The following PRRC2C variants were observed in gnomAD, a reference collection of about 807,000 sequenced individuals.
PRRC2C encodes protein PRRC2C.
PRRC2C carries 72 observed loss-of-function variants against 317.2 expected under a neutral mutation model. The ratio of observed to expected loss-of-function variants is 0.23; its 90% confidence interval spans 0.19 to 0.28. PRRC2C has a LOEUF of 0.28. Among genes scored for constraint, PRRC2C ranks in the 10% least tolerant of loss-of-function variants. PRRC2C has a pLI of 1.00. For synonymous variants in PRRC2C, 1,296 were observed against 1,205.9 expected (o/e 1.07, Z -1.55); for missense variants, 3,074 against 3,459.7 (o/e 0.89, Z 2.80).
At chr1:171,561,446 C>T (rs1371990753) in intron 20 of PRRC2C, among the ~76,000 whole-genome samples, 1 of 152,112 alleles carries the variant, frequency 6.6e-6, no homozygotes, top group East Asian at 1.9e-4. Flanking sequence ...GAGCAAGACC[C>T]CACCTGGAAA....
intron 1 of PRRC2C, among the ~76,000 whole-genome samples, chr1:171,494,468 C>T (rs1166601458): frequency 6.6e-6 from 1 of 152,108 alleles, no homozygotes. Flanking sequence ...CAAATGTACT[C>T]TTAAAATATT....
chr1:171,574,729 A>G (rs184099392), intron 24 of PRRC2C, among the ~76,000 whole-genome samples, 198 bp from the exon 25 acceptor site: 147 of 152,328 alleles, frequency 9.7e-4, no homozygotes, highest in Non-Finnish European at 1.7e-3. Context: ...AATTTGAGTA[A>G]TGGAGCAAAG....
chr1:171,551,832 GGTACCA>G (rs1680305899), intron 18 of PRRC2C, among the ~76,000 whole-genome samples: 1 of 152,076 alleles, frequency 6.6e-6, no homozygotes, highest in Admixed American at 6.5e-5. Context: ...TCTCTGTTTT[GGTACCA>G]GTACCATGCT....
chr1:171,563,692 A>G (rs1249326674), intron 20 of PRRC2C, among the ~76,000 whole-genome samples: 1 of 152,126 alleles, frequency 6.6e-6, no homozygotes, highest in African/African-American at 2.4e-5. Flanking sequence ...GTAGGTCTAG[A>G]GTAGGCTTCA....
chr1:171,589,293 C>A (rs1320362263), intron 33 of PRRC2C, 76 bp from the exon 34 acceptor site: 2 of 831,100 alleles, frequency 2.4e-6, no homozygotes, highest in Non-Finnish European at 3.3e-6. Flanking sequence ...ATGAGCCAAC[C>A]TGGTCTAGTT....
chr1:171,490,663 C>G (rs1666981853), intron 1 of PRRC2C, among the ~76,000 whole-genome samples: 1 of 152,154 alleles, frequency 6.6e-6, no homozygotes, highest in Admixed American at 6.5e-5. Context: ...AATCTAAAAA[C>G]AGGATTATTA....
chr1:171,571,681 C>T (rs1247302716), intron 24 of PRRC2C, among the ~76,000 whole-genome samples: 1 of 151,958 alleles, frequency 6.6e-6, no homozygotes, highest in East Asian at 1.9e-4. Context: ...AGTATTTTTC[C>T]ATGTTTGTGT....
At chr1:171,495,109 G>A (rs887535251) in intron 1 of PRRC2C, among the ~76,000 whole-genome samples, 1 of 152,216 alleles carries the variant, frequency 6.6e-6, no homozygotes, top group African/African-American at 2.4e-5. Context: ...GAAGCCTGGA[G>A]TTGAGCATAA....
rs749072429 is a variant in PRRC2C at position 171,557,539 on chromosome 1, T to G, written c.5427T>G (p.Ala1809=). ...CTCCAGTTCCAGCCTCACCCTTAGCTCCAGTTTCAGCCTCAGCCTCAGTCT... is the reference window on the plus strand; with the variant it reads ...CTCCAGTTCCAGCCTCACCCTTAGCGCCAGTTTCAGCCTCAGCCTCAGTCT... The part of the protein sequence containing the change: ...TSAPVPASPL[A]PVSASASVSA... The change falls in exon 19 of 35, where the codon GCT becomes GCG. Residue 1809 remains alanine, a synonymous_variant. Transcript: ENST00000647382. 50 of 1,551,376 alleles carry G rather than the reference T, an allele frequency of 3.2e-5. No individual in the cohort carries two copies. The South Asian group carries it at 5.9e-4, about 18-fold the overall frequency.
Position 171,566,580 on chromosome 1 carries a change from A to C in PRRC2C, c.6307-12A>C. The C allele has an allele frequency of 6.4e-7, 1 of 1,554,908 alleles. No homozygotes were observed. The highest frequency in any genetic ancestry group is 8.7e-7 in the Non-Finnish European group (1 of 1,152,920). On this transcript the variant is annotated splice_polypyrimidine_tract_variant and intron_variant, in intron 21 of 34. Coordinates refer to ENST00000647382, the MANE Select transcript of PRRC2C (RefSeq NM_001387844.1). ...TCATAAACATAGTTTTATCATAAAC[A>C]TTTGACTTTAGCTTCCAGATTTGAG...
chr1:171,526,731 T>C (rs953917903), intron 10 of PRRC2C, among the ~76,000 whole-genome samples: 3 of 151,244 alleles, frequency 2.0e-5, no homozygotes, highest in African/African-American at 7.3e-5. Flanking sequence ...TGATATGCTT[T>C]TATTTAAAAA....
intron 10 of PRRC2C, among the ~76,000 whole-genome samples, chr1:171,525,192 A>AT (rs902116509): frequency 8.5e-5 from 13 of 152,142 alleles, no homozygotes; most frequent in South Asian, 2.1e-4. Flanking sequence ...AAAGCTTCAC[A>AT]TTTTTTTTAC....
intron 12 of PRRC2C, among the ~76,000 whole-genome samples, chr1:171,533,790 A>G (rs1676305684): frequency 6.6e-6 from 1 of 152,060 alleles, no homozygotes; most frequent in Non-Finnish European, 1.5e-5. Flanking sequence ...CACCCAGCTA[A>G]TTTTTGTATT....
At chr1:171,548,925 C>T (rs951098034) in intron 17 of PRRC2C, among the ~76,000 whole-genome samples, 7 of 152,002 alleles carry the variant, frequency 4.6e-5, no homozygotes, top group African/African-American at 1.7e-4. Flanking sequence ...GATCTCAGCT[C>T]ATTGCAGTCT....
chr1:171,506,693 G>GTGTGTGTA (rs1156997934), intron 1 of PRRC2C, among the ~76,000 whole-genome samples: 1 of 147,440 alleles, frequency 6.8e-6, no homozygotes, highest in Non-Finnish European at 1.5e-5. Context: ...TTCTTTGTGT[G>GTGTGTGTA]TGTGTGTGTG....
chr1:171,518,495 T>TTTTTTTCAA (rs1672862152), intron 6 of PRRC2C, among the ~76,000 whole-genome samples: 3 of 47,464 alleles, frequency 6.3e-5, no homozygotes, highest in Non-Finnish European at 1.2e-4. Flanking sequence ...TTTTTTTCAA[T>TTTTTTTCAA]TTTTTTTTTT....
At chr1:171,562,475 A>G (rs1437160801) in intron 20 of PRRC2C, among the ~76,000 whole-genome samples, 2 of 152,210 alleles carry the variant, frequency 1.3e-5, no homozygotes, top group African/African-American at 4.8e-5. Flanking sequence ...AGAAGTTACG[A>G]TATTACAATA....
intron 5 of PRRC2C, among the ~76,000 whole-genome samples, chr1:171,516,168 G>A (rs913312073): frequency 6.6e-6 from 1 of 151,802 alleles, no homozygotes. Flanking sequence ...TTTTGAGCAG[G>A]CTTCCCTAAT....
In PRRC2C at chr1:171,497,632, G is replaced by A. The variant is rs189735981; in HGVS notation, c.-58+11897G>A. On this transcript the variant is annotated intron_variant, in intron 1 of 34. Transcript: ENST00000647382. Reference sequence around the variant, plus strand: ...GAGACAGGCATGTGCCACCAGGCCTGGCTAAATTTTATTTTTTGTAGAGAT... The same window carrying A: ...GAGACAGGCATGTGCCACCAGGCCTAGCTAAATTTTATTTTTTGTAGAGAT... Among the ~76,000 whole-genome samples, 10 of 151,506 alleles carry A rather than the reference G, an allele frequency of 6.6e-5. No homozygotes were observed. In the East Asian group the frequency reaches 1.8e-3, roughly 27 times the overall value.
Sources: gnomAD v4.1 joint callset for allele counts (sites outside exome capture counted in the v4.1 genomes callset) on GRCh38, gnomAD v4.1.1 for gene constraint, MANE v1.5 for transcripts, NCBI Gene and HGNC (gene_info 2026-07-23, HGNC 2026-07-21) for gene names.